CADM1: variants seen among roughly 807,000 people sequenced by gnomAD.
CADM1 encodes cell adhesion molecule 1, also known as TSLC-1.
A neutral mutation model predicts 53.1 loss-of-function variants in CADM1; 15 were observed. The observed-to-expected ratio is 0.28, with a 90% CI of 0.19 to 0.44. CADM1 has a LOEUF of 0.44. Ranked by LOEUF, CADM1 falls within the 20% of genes least tolerant of loss-of-function variation. The pLI, the probability that CADM1 is intolerant of heterozygous loss-of-function variation, is 1.00. For missense variants in CADM1, 434 were observed against 611.3 expected (o/e 0.71, Z 3.06); for synonymous variants, 281 against 243.0 (o/e 1.16, Z -1.45).
At chr11:115,421,968 A>T (rs1565419088) in intron 1 of CADM1, among the ~76,000 whole-genome samples, 4 of 152,218 alleles carry the variant, frequency 2.6e-5, no homozygotes, top group Non-Finnish European at 4.4e-5. Context: ...TTATGCCCTA[A>T]GGGTATGCTT....
chr11:115,306,016 A>G (rs1944358821), intron 1 of CADM1, among the ~76,000 whole-genome samples: 1 of 150,774 alleles, frequency 6.6e-6, no homozygotes, highest in African/African-American at 2.4e-5. Flanking sequence ...ACTTTCAGCA[A>G]TAAGCATTAC....
chr11:115,279,007 G>A (rs928606482), intron 1 of CADM1, among the ~76,000 whole-genome samples: 3 of 152,134 alleles, frequency 2.0e-5, no homozygotes, highest in Admixed American at 1.3e-4. Flanking sequence ...TGGATGGTGT[G>A]TAGGACTACA....
intron 8 of CADM1, among the ~76,000 whole-genome samples, chr11:115,202,366 C>T (rs1940473958): frequency 6.6e-6 from 1 of 152,056 alleles, no homozygotes; most frequent in Non-Finnish European, 1.5e-5. Context: ...GGTCCATGTT[C>T]TCAAACACAA....
At chr11:115,183,218 C>T (rs1294047855) in intron 10 of CADM1, among the ~76,000 whole-genome samples, 1 of 152,212 alleles carries the variant, frequency 6.6e-6, no homozygotes, top group Non-Finnish European at 1.5e-5. Flanking sequence ...TTTTCTTTCT[C>T]TACTTGTTTT....
intron 1 of CADM1, among the ~76,000 whole-genome samples, chr11:115,485,339 C>CTAATACAATG: frequency 6.6e-6 from 1 of 152,292 alleles, no homozygotes; most frequent in South Asian, 2.1e-4. Flanking sequence ...GTCTTCAGCA[C>CTAATACAATG]CTAATACAAT....
chr11:115,218,975 G>A (rs1456218556), intron 5 of CADM1, among the ~76,000 whole-genome samples: 3 of 150,210 alleles, frequency 2.0e-5, no homozygotes, highest in Admixed American at 1.3e-4. Flanking sequence ...TTAGGAGATC[G>A]TTTTTTTCAG....
chr11:115,478,101 T>C (rs1200000268), intron 1 of CADM1, among the ~76,000 whole-genome samples: 1 of 152,212 alleles, frequency 6.6e-6, no homozygotes, highest in South Asian at 2.1e-4. Flanking sequence ...TTTTAAGAAA[T>C]TTCACGTATC....
intron 1 of CADM1, chr11:115,377,597 C>A (rs1946470530): frequency 6.6e-6 from 1 of 152,140 alleles, no homozygotes; most frequent in South Asian, 2.1e-4. Flanking sequence ...ATAATAATCG[C>A]CAAAGCTCAG....
In CADM1 at chr11:115,220,879, C is replaced by T. The variant is rs547725628; in HGVS notation, c.722-2888G>A. On this transcript the variant is annotated intron_variant, in intron 5 of 11. Transcript: ENST00000331581. The stretch of plus-strand genomic sequence containing the variant: ...AATTTTCCATTGAAGAGCCTAACTA[C>T]GATATGAATATGTCAAAATACCAAA... Among the ~76,000 whole-genome samples the T allele has an allele frequency of 5.3e-5, 8 of 152,278 alleles. No individual in the cohort carries two copies. In the South Asian group the frequency reaches 6.2e-4, roughly 12 times the overall value.
At chr11:115,360,129 G>C (rs1945988735) in intron 1 of CADM1, among the ~76,000 whole-genome samples, 1 of 152,120 alleles carries the variant, frequency 6.6e-6, no homozygotes, top group Admixed American at 6.6e-5. Flanking sequence ...CTGCTACTTT[G>C]ACATTTGTAT....
intron 1 of CADM1, among the ~76,000 whole-genome samples, chr11:115,266,022 C>G (rs1943124159): frequency 6.6e-6 from 1 of 152,076 alleles, no homozygotes; most frequent in South Asian, 2.1e-4. Context: ...GAAGTGGGGC[C>G]CAACAATGTC....
chr11:115,334,547 ATTG>A (rs1022440879), intron 1 of CADM1, among the ~76,000 whole-genome samples: 18 of 152,056 alleles, frequency 1.2e-4, no homozygotes, highest in African/African-American at 1.9e-4. Context: ...TAATTGTTTT[ATTG>A]TTGTTGTTAA....
chr11:115,207,692 G>A (rs1257515337), intron 8 of CADM1, among the ~76,000 whole-genome samples: 8 of 152,104 alleles, frequency 5.3e-5, no homozygotes, highest in Non-Finnish European at 1.2e-4. Context: ...ATAAGGTCTC[G>A]ACTGCCTTAA....
chr11:115,209,654 G>A lies in CADM1; in HGVS notation c.998C>T (p.Pro333Leu), dbSNP rs952091982. ...TGTGGGAGGAGGGATAGTTGTGGGG[G>A]GATCTGGATAGAAAAAAAAAGGAAA... ...HSDYMLYVYD[P>L]PTTIPPPTTT... The change falls in exon 8 of 12, where the codon CCC becomes CTC. Residue 333 changes from proline to leucine, a missense_variant. Around this residue, in one of 4 missense-constraint regions of CADM1, gnomAD observed 311 missense variants for 435.1 expected, o/e 0.71. Coordinates refer to ENST00000331581, the MANE Select transcript of CADM1 (RefSeq NM_001301043.2). 3 of 1,612,708 alleles carry A rather than the reference G, an allele frequency of 1.9e-6. No homozygotes were observed. Among genetic ancestry groups the A allele is most frequent in the African/African-American group, 1.3e-5 (1 of 74,768 alleles).
At chr11:115,211,475 CTTTTTTTTT>C (rs1224649182) in intron 7 of CADM1, among the ~76,000 whole-genome samples, 1 of 92,260 alleles carries the variant, frequency 1.1e-5, no homozygotes, top group East Asian at 3.5e-4. Context: ...AATCCTATTT[CTTTTTTTTT>C]TTTTTTTTTT....
chr11:115,184,878 C>T (rs944178998), intron 10 of CADM1, among the ~76,000 whole-genome samples: 3 of 152,196 alleles, frequency 2.0e-5, no homozygotes, highest in Admixed American at 2.0e-4. Flanking sequence ...TCAGGGCTCT[C>T]TTAGACTATC....
At chr11:115,493,792 C>A (rs1244280212) in intron 1 of CADM1, among the ~76,000 whole-genome samples, 2 of 152,042 alleles carry the variant, frequency 1.3e-5, no homozygotes, top group Non-Finnish European at 2.9e-5. Context: ...GAACATTCTA[C>A]AAAAGAGCAG....
chr11:115,259,028 A>G lies in CADM1; in HGVS notation c.125-18608T>C, dbSNP rs112099334. On this transcript the variant is annotated intron_variant, in intron 1 of 11. Transcript: ENST00000331581. ...TTAGATGGAGTCTTGCTCTGTCACC[A>G]TGGCTGGAGTACAGTGGTATGATCT... is the stretch of plus-strand genomic sequence containing the variant. Among the ~76,000 whole-genome samples the G allele has an allele frequency of 6.1e-3, 935 of 152,060 alleles. 11 individuals carry two copies. The highest frequency in any genetic ancestry group is 0.02 in the African/African-American group (819 of 41,484).
chr11:115,191,632 C>T (rs908948676), intron 9 of CADM1, among the ~76,000 whole-genome samples: 1 of 152,176 alleles, frequency 6.6e-6, no homozygotes, highest in Non-Finnish European at 1.5e-5. Context: ...AGCTGAGATG[C>T]TTCTCAGCTA....
Sources: gnomAD v4.1 joint callset for allele counts (sites outside exome capture counted in the v4.1 genomes callset) on GRCh38, gnomAD v4.1.1 for gene constraint, gnomAD v4.1.1 regional missense constraint, MANE v1.5 for transcripts, NCBI Gene and HGNC (gene_info 2026-07-23, HGNC 2026-07-21) for gene names.